Variants in STXBP4 observed in about 807,000 individuals in gnomAD.
STXBP4 encodes syntaxin binding protein 4.
A neutral mutation model predicts 76.1 loss-of-function variants in STXBP4; 55 were observed. The observed-to-expected ratio is 0.72, with a 90% confidence interval of 0.58 to 0.91. STXBP4 has a LOEUF of 0.91. Ranked by LOEUF, STXBP4 falls within the 40% of genes least tolerant of loss-of-function variation. STXBP4 has a pLI of 0.00. For synonymous variants in STXBP4, 201 were observed against 220.2 expected (o/e 0.91, Z 0.77); for missense variants, 618 against 636.9 (o/e 0.97, Z 0.32).
At chr17:55,140,334 C>A (rs1296690595) in intron 16 of STXBP4, among the ~76,000 whole-genome samples, 2 of 152,034 alleles carry the variant, frequency 1.3e-5, no homozygotes, top group Non-Finnish European at 1.5e-5. Context: ...AAAATAGTTA[C>A]CATTCCTGCA....
downstream of STXBP4, among the ~76,000 whole-genome samples, chr17:55,174,948 T>G (rs950488442): frequency 1.3e-5 from 2 of 151,966 alleles, no homozygotes; most frequent in African/African-American, 4.8e-5. Context: ...GGCGTGAACC[T>G]GGGAGGCGGA....
chr17:55,023,014 G>C (rs2078342371), intron 8 of STXBP4, among the ~76,000 whole-genome samples: 1 of 152,168 alleles, frequency 6.6e-6, no homozygotes, highest in Non-Finnish European at 1.5e-5. Context: ...AATTTCAAAT[G>C]TATATCTGGA....
At chr17:55,137,862 G>A (rs244316) in intron 16 of STXBP4, among the ~76,000 whole-genome samples, 98,878 of 151,946 alleles carry the variant, frequency 0.65, 33,255 homozygotes, top group African/African-American at 0.83. Context: ...GAGAATGACT[G>A]TCTCTTCACA....
chr17:55,174,157 T>C (rs1223225958), downstream of STXBP4, among the ~76,000 whole-genome samples: 1 of 152,224 alleles, frequency 6.6e-6, no homozygotes. Context: ...ATCTGCAAAA[T>C]CCCTTTTGCT....
intron 16 of STXBP4, among the ~76,000 whole-genome samples, chr17:55,130,326 G>GTGGT (rs2079960731): frequency 6.6e-6 from 1 of 152,124 alleles, no homozygotes; most frequent in African/African-American, 2.4e-5. Context: ...AATATGTTAT[G>GTGGT]CAACAGTAGA....
chr17:54,977,032 C>T (rs2077483300), intron 1 of STXBP4, among the ~76,000 whole-genome samples: 1 of 152,056 alleles, frequency 6.6e-6, no homozygotes, highest in African/African-American at 2.4e-5. Context: ...ACAAATTTCC[C>T]ATCTCCTTGG....
intron 6 of STXBP4, chr17:55,000,269 G>T: frequency 1.0e-6 from 1 of 985,308 alleles, no homozygotes; most frequent in Non-Finnish European, 1.2e-6. Flanking sequence ...AGAAGGTATT[G>T]CTCCTTCATG....
At chr17:55,125,477 T>TAAAAAAAAAAA (rs2079899224) in intron 16 of STXBP4, among the ~76,000 whole-genome samples, 1 of 12,386 alleles carries the variant, frequency 8.1e-5, no homozygotes, top group East Asian at 1.9e-3. Context: ...CTGGACAAAA[T>TAAAAAAAAAAA]ACAAAAAAAA....
At chr17:55,039,172 G>A (rs888615433) in intron 10 of STXBP4, among the ~76,000 whole-genome samples, 5 of 152,132 alleles carry the variant, frequency 3.3e-5, no homozygotes, top group African/African-American at 9.7e-5. Flanking sequence ...AGTGTGGCAA[G>A]GCCATAAGAG....
At chr17:55,015,849 G>A (rs1466996603) in intron 8 of STXBP4, among the ~76,000 whole-genome samples, 2 of 137,204 alleles carry the variant, frequency 1.5e-5, no homozygotes, top group East Asian at 4.2e-4. Flanking sequence ...TTAATGAAAA[G>A]AAAGTTTGTA....
At chr17:55,144,485 A>G (rs984549294) in intron 17 of STXBP4, among the ~76,000 whole-genome samples, 2 of 152,214 alleles carry the variant, frequency 1.3e-5, no homozygotes, top group African/African-American at 4.8e-5. Flanking sequence ...TGAGTTCTAC[A>G]GGGGATATTA....
rs188731576 is a variant in STXBP4 at position 55,147,630 on chromosome 17, G to A, written c.1547+6263G>A. 2.5e-4 allele frequency among the ~76,000 whole-genome samples: 38 copies of A among 152,152 alleles called. 2 individuals are homozygous for A. The highest frequency in any genetic ancestry group is 1.7e-3 in the South Asian group (8 of 4,814). ...CCTAAAATCTGATATATTGTTCCTC[G>A]TATTACAAATTCTATTCTTTATCAC... On this transcript the variant is annotated intron_variant, in intron 17 of 17. Transcript: ENST00000376352.
chr17:55,196,171 C>A, the STXBP4 span, among the ~76,000 whole-genome samples: 1 of 152,174 alleles, frequency 6.6e-6, no homozygotes, highest in Admixed American at 6.5e-5. Flanking sequence ...GAGAGCTGGT[C>A]AGTCAGGATG....
chr17:54,984,490 T>C (rs552797970), intron 1 of STXBP4, among the ~76,000 whole-genome samples: 102 of 151,698 alleles, frequency 6.7e-4, no homozygotes, highest in Non-Finnish European at 1.3e-3. Flanking sequence ...CTACAGGCGC[T>C]GCCACCACGC....
At chr17:54,990,710 A>G (rs1410589778) in intron 3 of STXBP4, 115 bp from the exon 4 acceptor site, 7 of 1,289,068 alleles carry the variant, frequency 5.4e-6, no homozygotes, top group Non-Finnish European at 7.3e-6. Context: ...TGGTACCAAA[A>G]AAGGTGAGGG....
chr17:55,083,455 C>T (rs1659857720), intron 16 of STXBP4, among the ~76,000 whole-genome samples: 1 of 152,178 alleles, frequency 6.6e-6, no homozygotes, highest in South Asian at 2.1e-4. Flanking sequence ...ATGTACATAG[C>T]ACTTTTTTAA....
At chr17:55,018,457 CAG>C (rs1026185911) in intron 8 of STXBP4, among the ~76,000 whole-genome samples, 6 of 152,132 alleles carry the variant, frequency 3.9e-5, no homozygotes, top group African/African-American at 1.2e-4. Flanking sequence ...AGAGTGAAAA[CAG>C]AGCTCCCATA....
chr17:55,043,807 T>G, intron 11 of STXBP4: 1 of 613,706 alleles, frequency 1.6e-6, no homozygotes, highest in Non-Finnish European at 2.7e-6. Context: ...TACTGTAACA[T>G]TTTTCTTCTC....
chr17:55,177,269 G>A (rs1487231575), downstream of STXBP4, among the ~76,000 whole-genome samples: 2 of 151,880 alleles, frequency 1.3e-5, no homozygotes, highest in African/African-American at 4.8e-5. Flanking sequence ...CAAGGAACAA[G>A]AGTGGAGGAA....
Sources: gnomAD v4.1 joint callset for allele counts (sites outside exome capture counted in the v4.1 genomes callset) on GRCh38, gnomAD v4.1.1 for gene constraint, MANE v1.5 for transcripts, NCBI Gene and HGNC (gene_info 2026-07-23, HGNC 2026-07-21) for gene names.